CACNA1A: variants seen among roughly 807,000 people sequenced by gnomAD.
The protein encoded by CACNA1A is calcium voltage-gated channel subunit alpha1 A, also known as voltage-dependent P/Q-type calcium channel subunit alpha-1A.
In CACNA1A, 57 loss-of-function variants were observed where a neutral mutation model predicts 262.4. That is an observed-to-expected ratio of 0.22 (90% confidence interval 0.18 to 0.27). The LOEUF (loss-of-function observed/expected upper bound fraction) is 0.27, where lower values mean the gene tolerates loss of function less well. Among genes scored for constraint, CACNA1A ranks in the 10% least tolerant of loss-of-function variants. The probability of loss-of-function intolerance (pLI) is 1.00; values close to 1 mark genes in which losing one functional copy is unlikely to be tolerated. For synonymous variants in CACNA1A, 1,431 were observed against 1,419.3 expected (o/e 1.01, Z -0.18); for missense variants, 2,526 against 3,562.8 (o/e 0.71, Z 7.41).
At chr19:13,276,022 ACT>A in intron 23 of CACNA1A, 66 bp from the exon 24 acceptor site, 1 of 1,017,752 alleles carries the variant, frequency 9.8e-7, no homozygotes, top group Non-Finnish European at 1.5e-6. Flanking sequence ...GCTGCCACCC[ACT>A]CTCTAGCCTC....
In CACNA1A at chr19:13,235,647, G is replaced by A; in HGVS notation, c.5034C>T (p.Arg1678=). 3 of 1,613,876 alleles carry A rather than the reference G, an allele frequency of 1.9e-6. No individual in the cohort carries two copies. Among genetic ancestry groups the A allele is most frequent in the Non-Finnish European group, 2.5e-6 (3 of 1,179,754 alleles). The change falls in exon 32 of 47, where the codon CGC becomes CGT. Residue 1678 remains arginine, a synonymous_variant. Transcript: ENST00000360228. ...IKLLRQGYTI[R]ILLWTFVQSF... is the part of the protein sequence containing the mutation. The stretch of plus-strand genomic sequence containing the variant: ...ACTGCACAAAGGTCCAGAGAAGAAT[G>A]CGGATGGTGTAACCCTGACGGAGAA...
At chr19:13,369,469 C>T (rs1392944833) in intron 4 of CACNA1A, among the ~76,000 whole-genome samples, 3 of 152,168 alleles carry the variant, frequency 2.0e-5, no homozygotes, top group Non-Finnish European at 4.4e-5. Context: ...ATCTGAACAC[C>T]CACCTAAGTA....
At chr19:13,410,526 C>T (rs1037932380) in intron 3 of CACNA1A, among the ~76,000 whole-genome samples, 11 of 131,586 alleles carry the variant, frequency 8.4e-5, no homozygotes, top group Non-Finnish European at 7.7e-5. Flanking sequence ...TTTTTTTTTT[C>T]TTTATTCTTT....
chr19:13,242,911 G>C (rs147432588), intron 31 of CACNA1A, among the ~76,000 whole-genome samples: 198 of 152,266 alleles, frequency 1.3e-3, no homozygotes, highest in African/African-American at 4.5e-3. Flanking sequence ...GCTACTGCAA[G>C]GGTCCTGATG....
chr19:13,414,507 C>T (rs546061305), intron 3 of CACNA1A, among the ~76,000 whole-genome samples: 4 of 152,200 alleles, frequency 2.6e-5, no homozygotes, highest in African/African-American at 7.2e-5. Context: ...GTTGGAGACA[C>T]GTGGCACAAG....
At chr19:13,216,350 A>G (rs2055010544) in intron 38 of CACNA1A, among the ~76,000 whole-genome samples, 1 of 151,862 alleles carries the variant, frequency 6.6e-6, no homozygotes, top group African/African-American at 2.4e-5. Context: ...TATTGTTATT[A>G]TTTTTGAGAT....
At chr19:13,286,091 T>C (rs531384542) in intron 20 of CACNA1A, among the ~76,000 whole-genome samples, 3 of 151,632 alleles carry the variant, frequency 2.0e-5, no homozygotes, top group Non-Finnish European at 4.4e-5. Context: ...ATCTGGCCCC[T>C]TTTTTAATGT....
intron 22 of CACNA1A, among the ~76,000 whole-genome samples, chr19:13,282,120 G>A (rs1054120204): frequency 1.2e-4 from 18 of 152,230 alleles, no homozygotes; most frequent in South Asian, 4.1e-4. Flanking sequence ...CAGGAGCTGC[G>A]TTCTAATTAT....
intron 45 of CACNA1A, 55 bp from the exon 46 acceptor site, chr19:13,209,064 G>C (rs1348691458): frequency 3.6e-5 from 55 of 1,535,086 alleles, no homozygotes; most frequent in Non-Finnish European, 4.4e-5. Context: ...GAGAGGTGGG[G>C]CAGATGCACA....
At chr19:13,472,460 G>C (rs138183488) in intron 1 of CACNA1A, among the ~76,000 whole-genome samples, 3 of 152,206 alleles carry the variant, frequency 2.0e-5, no homozygotes, top group South Asian at 4.1e-4. Context: ...ACTTGACCTA[G>C]AAGGTCTTGT....
chr19:13,471,039 C>G (rs571677765), intron 1 of CACNA1A, among the ~76,000 whole-genome samples: 1 of 152,148 alleles, frequency 6.6e-6, no homozygotes, highest in Non-Finnish European at 1.5e-5. Flanking sequence ...TGCCTCTTCC[C>G]GCTTTTGGTG....
At chr19:13,227,903 CTTTTTTTTT>C (rs34218031) in intron 36 of CACNA1A, among the ~76,000 whole-genome samples, 6 of 74,262 alleles carry the variant, frequency 8.1e-5, no homozygotes, top group African/African-American at 1.2e-4. Flanking sequence ...TGTTCATTGC[CTTTTTTTTT>C]TTTTTTTTTT....
rs199523423 is a variant in CACNA1A, at chr19:13,308,380, C to G, written c.1781+36G>C. 6.4e-6 allele frequency: 10 copies of G among 1,556,388 alleles called. No homozygotes were observed. In the Admixed American group the frequency reaches 9.0e-5, roughly 14 times the overall value. ...GCCCCACCATGTCCCCCATCCCCAC[C>G]CCCTGTACAAATGTCCAGGAACCCC... On this transcript the variant is annotated intron_variant, in intron 13 of 46. Coordinates refer to ENST00000360228, the MANE Select transcript of CACNA1A (RefSeq NM_001127222.2). This position sits in a 1 kb window ranked among gnomAD's most constrained non-coding sequence, Gnocchi z 4.2.
rs532842904 is a variant in CACNA1A at position 13,298,749 on chromosome 19, G to A, written c.2884C>T (p.Arg962Cys). The A allele has an allele frequency of 2.6e-6, 4 of 1,509,482 alleles. No individual in the cohort carries two copies. The highest frequency in any genetic ancestry group is 2.5e-5 in the South Asian group (2 of 80,634). The allele number at this position is 1,509,482 out of a possible 1,614,324, so 93.5% of individuals were successfully genotyped here. The change falls in exon 19 of 47, where the codon CGC becomes TGC. Residue 962 changes from arginine to cysteine, a missense_variant. By Grantham distance (180) the Arg-to-Cys change is radical (BLOSUM62 -3). Transcript: ENST00000360228. ...TCCGGACCCTCCTCCCCGGGCCTGCGGTGCGCGCGATGACGTCGATGCTCC... is the reference window on the plus strand; with the variant it reads ...TCCGGACCCTCCTCCCCGGGCCTGCAGTGCGCGCGATGACGTCGATGCTCC... ...DGEHRRHRAH[R>C]RPGEEGPEDK... is the part of the protein sequence containing the mutation.
chr19:13,436,084 T>G (rs115778535), intron 3 of CACNA1A, among the ~76,000 whole-genome samples: 1,714 of 152,278 alleles, frequency 0.011, 25 homozygotes, highest in African/African-American at 0.038. Context: ...CTCGGCCTCC[T>G]AAAGTGTTGG....
chr19:13,443,343 A>ATT (rs2060757915), intron 3 of CACNA1A, among the ~76,000 whole-genome samples: 2 of 124,260 alleles, frequency 1.6e-5, no homozygotes, highest in East Asian at 5.0e-4. Context: ...AAATAATTTT[A>ATT]TTTTTATTTT....
At chr19:13,361,666 G>A (rs987661773) in intron 5 of CACNA1A, among the ~76,000 whole-genome samples, 1 of 152,192 alleles carries the variant, frequency 6.6e-6, no homozygotes, top group African/African-American at 2.4e-5. Flanking sequence ...GGCCTTTCAA[G>A]CTCTGGCTGA....
chr19:13,294,487 C>CTTTTTTT lies in CACNA1A; in HGVS notation c.3089+4050_3089+4056dup, dbSNP rs780908964. Among the ~76,000 whole-genome samples the CTTTTTTT allele has an allele frequency of 5.0e-4, 36 of 72,526 alleles. 3 individuals carry two copies. Among genetic ancestry groups the CTTTTTTT allele is most frequent in the African/African-American group, 1.7e-3 (26 of 15,310 alleles). The allele number at this position is 72,526 out of a possible 152,430, so 47.6% of individuals were successfully genotyped here. A position where few individuals can be genotyped will look rare whatever the true frequency, so the allele number is the denominator to read the frequency against. Reference sequence around the variant, plus strand: ...TACAGGTGCATACCACTGTACCTGGCTTTTTTTTTTTTTTTTTTTTTTTGA... The same window carrying CTTTTTTT: ...TACAGGTGCATACCACTGTACCTGGCTTTTTTTTTTTTTTTTTTTTTTTTTTTTTTGA... On this transcript the variant is annotated intron_variant, in intron 19 of 46. Transcript: ENST00000360228.
rs552677309 is a variant in CACNA1A at position 13,397,733 on chromosome 19, C to T, written c.540-25954G>A. 5.3e-5 allele frequency among the ~76,000 whole-genome samples: 8 copies of T among 152,266 alleles called. No individual in the cohort carries two copies. In the East Asian group the frequency reaches 1.3e-3, roughly 26 times the overall value. The stretch of plus-strand genomic sequence containing the variant: ...ATTTCCCAGCTCTGCAAGTGGGTGC[C>T]GCCATGTAAGCTCTAGCCAGTGGGA... On this transcript the variant is annotated intron_variant, in intron 3 of 46. Transcript: ENST00000360228.
Sources: allele counts gnomAD v4.1 joint callset (sites outside exome capture counted in the v4.1 genomes callset), GRCh38; gene constraint gnomAD v4.1.1; non-coding constraint Gnocchi (gnomAD v3.1); transcripts MANE v1.5; gene names NCBI Gene and HGNC (gene_info 2026-07-23, HGNC 2026-07-21).